The following RDM1 variants were observed in gnomAD, a reference collection of about 807,000 sequenced individuals.
RDM1 encodes the protein RAD52 motif-containing protein 1.
Under a neutral mutation model 27.7 loss-of-function variants are expected in RDM1, and 28 were observed. That is an observed-to-expected ratio of 1.01 (90% CI 0.75 to 1.39). The LOEUF (loss-of-function observed/expected upper bound fraction) is 1.39. Ranked by LOEUF, RDM1 falls within the 40% of genes most tolerant of loss-of-function variation. The pLI is 0.00. For synonymous variants in RDM1, 124 were observed against 127.5 expected (o/e 0.97, Z 0.19); for missense variants, 277 against 337.3 (o/e 0.82, Z 1.40).
rs370567651 is a variant in RDM1 at position 35,918,423 on chromosome 17, C to T, written c.774G>A (p.Lys258=). Residue 258 remains lysine, a synonymous_variant, in exon 7 of 7, where the codon AAG becomes AAA. Coordinates refer to ENST00000620284, the MANE Select transcript of RDM1 (RefSeq NM_145654.4). Reference sequence around the variant, plus strand: ...ACCCTTCCTCCTCTTGGCCATACTGCTTCCAGGGAGAGCAAGGGACCTGCA... The same window carrying T: ...ACCCTTCCTCCTCTTGGCCATACTGTTTCCAGGGAGAGCAAGGGACCTGCA... ...GLIQVPCSPW[K]QYGQEEEGYL... The T allele has an allele frequency of 5.6e-6, 9 of 1,614,154 alleles. No homozygotes were observed. The African/African-American group carries it at 9.3e-5, about 17-fold the overall frequency.
At chr17:35,923,210 G>A (rs1175727294) in intron 4 of RDM1, among the ~76,000 whole-genome samples, 2 of 151,912 alleles carry the variant, frequency 1.3e-5, no homozygotes, top group Non-Finnish European at 2.9e-5. Flanking sequence ...AATTAGCCGG[G>A]TGTGGTGGCA....
chr17:35,918,336 G>C lies in RDM1; in HGVS notation c.*6C>G. 1.9e-6 allele frequency: 3 copies of C among 1,612,382 alleles called. No homozygotes were observed. The highest frequency in any genetic ancestry group is 1.7e-6 in the Non-Finnish European group (2 of 1,179,248). On this transcript the variant is annotated 3_prime_UTR_variant, in exon 7 of 7. Transcript: ENST00000620284. Reference sequence around the variant, plus strand: ...ACATGACCTCGCCTTGGGATATTCAGAAATGCTAGTCAAGTTCTGGCAGCC... The same window carrying C: ...ACATGACCTCGCCTTGGGATATTCACAAATGCTAGTCAAGTTCTGGCAGCC...
chr17:35,924,807 G>A, intron 3 of RDM1, 35 bp from the exon 4 acceptor site: 1 of 1,591,678 alleles, frequency 6.3e-7, no homozygotes, highest in Non-Finnish European at 8.6e-7. Flanking sequence ...CCTTCCTGGG[G>A]TCTTAATGTA....
rs756132920 is a variant in RDM1 at position 35,922,619 on chromosome 17, C to A, written c.625G>T (p.Ala209Ser). 1.6e-5 allele frequency: 26 copies of A among 1,611,486 alleles called. No individual in the cohort carries two copies. The highest frequency in any genetic ancestry group is 6.7e-5 in the East Asian group (3 of 44,856). ...AGTTTCTGGAATGCATCTGACAAAG[C>A]CTTCTGAATAGCAAGCTTCTGGGCT... is the stretch of plus-strand genomic sequence containing the variant. ...KTAQKLAIQK[A>S]LSDAFQKLLI... Residue 209 changes from alanine to serine, a missense_variant, in exon 5 of 7, where the codon GCT (alanine) becomes TCT (serine). Physicochemically the swap from Ala to Ser is moderately conservative, Grantham distance 99 (BLOSUM62 1). Coordinates refer to ENST00000620284, the MANE Select transcript of RDM1 (RefSeq NM_145654.4).
At chr17:35,926,540 A>G (rs1238713983) in intron 2 of RDM1, among the ~76,000 whole-genome samples, 1 of 151,948 alleles carries the variant, frequency 6.6e-6, no homozygotes, top group East Asian at 1.9e-4. Context: ...AGTAGTTGGG[A>G]CTACAGGCAC....
intron 4 of RDM1, among the ~76,000 whole-genome samples, chr17:35,923,730 C>T (rs1210458145): frequency 6.6e-6 from 1 of 152,118 alleles, no homozygotes; most frequent in African/African-American, 2.4e-5. Context: ...GAGCCTACTC[C>T]ACTCCATTAG....
intron 2 of RDM1, among the ~76,000 whole-genome samples, chr17:35,929,802 C>T (rs1252560426): frequency 6.6e-6 from 1 of 152,124 alleles, no homozygotes; most frequent in East Asian, 1.9e-4. Context: ...GCTGAGATTT[C>T]TTAAAAAGGG....
At chr17:35,922,268 C>A in intron 5 of RDM1, 2 of 292,242 alleles carry the variant, frequency 6.8e-6, no homozygotes, top group Non-Finnish European at 1.2e-5. Flanking sequence ...CAAATCCATG[C>A]GTCCAAAACT....
intron 2 of RDM1, among the ~76,000 whole-genome samples, chr17:35,926,363 C>T (rs2089149352): frequency 1.3e-5 from 2 of 151,842 alleles, no homozygotes; most frequent in South Asian, 4.2e-4. Context: ...CAAATAAAGT[C>T]AAATTTATTT....
At chr17:35,929,904 T>G (rs545468523) in intron 2 of RDM1, among the ~76,000 whole-genome samples, 172 bp downstream of exon 2, 1 of 152,346 alleles carries the variant, frequency 6.6e-6, no homozygotes, top group East Asian at 1.9e-4. Flanking sequence ...AACAAGTCGC[T>G]CAACCACCTT....
rs2089275297 is a variant in RDM1 at position 35,930,102 on chromosome 17, G to A, written c.250C>T (p.Gln84Ter). 1 of 1,613,770 alleles carries A rather than the reference G, an allele frequency of 6.2e-7. No individual in the cohort carries two copies. The highest frequency in any genetic ancestry group is 1.3e-5 in the African/African-American group (1 of 74,904). The stretch of plus-strand genomic sequence containing the variant: ...TTGACTGGAGATTTCTGAAAAAGCT[G>A]CTTCCGGTCGCATGCCTTTTGGGCT... ...HRAQKACDRK[Q>*]LFQKSPVKVR... Residue 84 changes from glutamine to a stop codon, truncating the protein, a stop_gained, in exon 2 of 7, where the codon CAG becomes TAG. Transcript: ENST00000620284. LOFTEE classifies it high-confidence loss of function.
At chr17:35,923,638 G>A (rs916429439) in intron 4 of RDM1, among the ~76,000 whole-genome samples, 3 of 152,122 alleles carry the variant, frequency 2.0e-5, no homozygotes, top group African/African-American at 7.2e-5. Context: ...ACTTCAGCCT[G>A]GGCGACTGAG....
Position 35,924,587 on chromosome 17 carries a change from T to C in RDM1, c.568+17A>G, listed in dbSNP as rs1369561376. The C allele has an allele frequency of 1.2e-6, 2 of 1,602,388 alleles. No individual in the cohort carries two copies. Among genetic ancestry groups the C allele is most frequent in the African/African-American group, 1.3e-5 (1 of 74,640 alleles). ...ACTCCAAATCCCTACCCTCCTCCAC[T>C]CCCAGTGAAAACAGACCTTCCTCCA... On this transcript the variant is annotated intron_variant, in intron 4 of 6. Transcript: ENST00000620284.
intron 2 of RDM1, among the ~76,000 whole-genome samples, chr17:35,929,628 G>A (rs1298871699): frequency 1.3e-5 from 2 of 152,140 alleles, no homozygotes; most frequent in Non-Finnish European, 2.9e-5. Flanking sequence ...TTATAGTACA[G>A]ATGGAGTTTT....
intron 1 of RDM1, 62 bp downstream of exon 1, chr17:35,930,570 A>G (rs2089292245): frequency 2.0e-6 from 3 of 1,496,070 alleles, no homozygotes; most frequent in Non-Finnish European, 2.7e-6. Context: ...AGGACTCCGG[A>G]ACTCCCAGTC....
At chr17:35,929,931 A>T in intron 2 of RDM1, 145 bp downstream of exon 2, 1 of 796,012 alleles carries the variant, frequency 1.3e-6, no homozygotes, top group South Asian at 1.8e-5. Context: ...GAGTTTCTTC[A>T]TGTAAAAAAC....
intron 2 of RDM1, among the ~76,000 whole-genome samples, chr17:35,928,374 ATGATGATGATGATG>A (rs1165117556): frequency 1.3e-5 from 2 of 152,128 alleles, no homozygotes. Context: ...CATGGTGAGT[ATGATGATGATGATG>A]TGATGATGAT....
At chr17:35,927,547 T>G (rs2089195020) in intron 2 of RDM1, among the ~76,000 whole-genome samples, 1 of 152,184 alleles carries the variant, frequency 6.6e-6, no homozygotes, top group African/African-American at 2.4e-5. Context: ...TAAAACATTA[T>G]TCTCTTTTCT....
At chr17:35,924,239 TA>T (rs1232073256) in intron 4 of RDM1, among the ~76,000 whole-genome samples, 1 of 151,160 alleles carries the variant, frequency 6.6e-6, no homozygotes, top group African/African-American at 2.4e-5. Context: ...AATAAATAGA[TA>T]AAAAAAAATC....
Sources: gnomAD v4.1 joint callset for allele counts (sites outside exome capture counted in the v4.1 genomes callset) on GRCh38, gnomAD v4.1.1 for gene constraint, MANE v1.5 for transcripts, NCBI Gene and HGNC (gene_info 2026-07-23, HGNC 2026-07-21) for gene names.